The following PALM2AKAP2 variants were observed in gnomAD, a reference collection of about 807,000 sequenced individuals.
PALM2AKAP2 encodes the protein PALM2-AKAP2 fusion protein.
Under a neutral mutation model 71.5 loss-of-function variants are expected in PALM2AKAP2, and 37 were observed. That is an observed-to-expected ratio of 0.52 (90% CI 0.40 to 0.68). PALM2AKAP2 has a LOEUF of 0.68. Among genes scored for constraint, PALM2AKAP2 ranks in the 30% least tolerant of loss-of-function variants. The probability of loss-of-function intolerance (pLI) is 0.00; values close to 1 mark genes in which losing one functional copy is unlikely to be tolerated. For synonymous variants in PALM2AKAP2, 468 were observed against 478.8 expected (o/e 0.98, Z 0.29); for missense variants, 1,224 against 1,191.8 (o/e 1.03, Z -0.40).
At chr9:109,938,797 G>A (rs1460768342) in intron 6 of PALM2AKAP2, among the ~76,000 whole-genome samples, 1 of 152,188 alleles carries the variant, frequency 6.6e-6, no homozygotes, top group Non-Finnish European at 1.5e-5. Flanking sequence ...GGGAGGCTGA[G>A]GAGGGTGGAT....
At chr9:110,082,601 T>G (rs1048943131) in intron 1 of PALM2AKAP2, among the ~76,000 whole-genome samples, 1 of 152,232 alleles carries the variant, frequency 6.6e-6, no homozygotes, top group African/African-American at 2.4e-5. Flanking sequence ...TGCATAAAGA[T>G]AGTGGATTGA....
chr9:109,794,407 T>TTA (rs1554714664), intron 1 of PALM2AKAP2, among the ~76,000 whole-genome samples: 3 of 151,044 alleles, frequency 2.0e-5, no homozygotes, highest in Admixed American at 2.0e-4. Context: ...CAGGTGTATT[T>TTA]TTTTTTTTTT....
At chr9:109,867,613 G>A in intron 2 of PALM2AKAP2, 42 bp downstream of exon 2, 5 of 1,593,234 alleles carry the variant, frequency 3.1e-6, no homozygotes, top group Non-Finnish European at 4.3e-6. Context: ...TATTAGACAT[G>A]CAGATCACAC....
In PALM2AKAP2 at chr9:109,965,927, T is replaced by A. The variant is rs186582903; in HGVS notation, c.496+33899T>A. Reference sequence around the variant, plus strand: ...AGGAGGTGGGATTTGAGATGGAGTTTGTAGGACCAGGCAAGGGAAAAGGCA... The same window carrying A: ...AGGAGGTGGGATTTGAGATGGAGTTAGTAGGACCAGGCAAGGGAAAAGGCA... On this transcript the variant is annotated intron_variant, in intron 6 of 9. Coordinates refer to the PALM2AKAP2 transcript ENST00000302798. Among the ~76,000 whole-genome samples the A allele has an allele frequency of 1.8e-4, 28 of 152,146 alleles. No individual in the cohort carries two copies. In the East Asian group the frequency reaches 4.8e-3, roughly 26 times the overall value.
intron 1 of PALM2AKAP2, among the ~76,000 whole-genome samples, chr9:109,754,534 T>C (rs991550060): frequency 2.6e-5 from 4 of 152,162 alleles, no homozygotes; most frequent in Non-Finnish European, 4.4e-5. Flanking sequence ...GTCATTGACT[T>C]CCTCCTTCCC....
At chr9:109,683,110 G>A (rs893703985) in intron 1 of PALM2AKAP2, among the ~76,000 whole-genome samples, 6 of 152,250 alleles carry the variant, frequency 3.9e-5, no homozygotes, top group African/African-American at 1.4e-4. Flanking sequence ...CTTTCACCAT[G>A]TGAAGTGCCT....
chr9:109,889,097 A>C (rs1173495974), intron 3 of PALM2AKAP2, among the ~76,000 whole-genome samples: 2 of 152,258 alleles, frequency 1.3e-5, no homozygotes, highest in African/African-American at 4.8e-5. Context: ...TGAAGATAAC[A>C]TTAGTGATTC....
At chr9:110,126,738 C>T (rs1310033679) in intron 1 of PALM2AKAP2, among the ~76,000 whole-genome samples, 1 of 152,200 alleles carries the variant, frequency 6.6e-6, no homozygotes, top group Admixed American at 6.5e-5. Context: ...TCCTTCCTTT[C>T]CTCCCCTCCC....
At chr9:109,758,469 A>T (rs549400440) in intron 1 of PALM2AKAP2, among the ~76,000 whole-genome samples, 19 of 152,254 alleles carry the variant, frequency 1.2e-4, no homozygotes, top group African/African-American at 4.3e-4. Context: ...TTATATCATC[A>T]TTAACACTGC....
At chr9:109,963,441 T>A (rs1246393887) in intron 6 of PALM2AKAP2, among the ~76,000 whole-genome samples, 1 of 152,222 alleles carries the variant, frequency 6.6e-6, no homozygotes, top group South Asian at 2.1e-4. Context: ...CTACATTTCA[T>A]CTTCTCTTAA....
At chr9:109,642,260 T>A (rs1030930469) in intron 1 of PALM2AKAP2, among the ~76,000 whole-genome samples, 4 of 151,888 alleles carry the variant, frequency 2.6e-5, no homozygotes, top group African/African-American at 9.7e-5. Context: ...TGGGCCTCAT[T>A]TTCCCCATCT....
intron 3 of PALM2AKAP2, among the ~76,000 whole-genome samples, chr9:109,890,275 C>G (rs1043419340): frequency 3.9e-5 from 6 of 152,210 alleles, no homozygotes; most frequent in Non-Finnish European, 8.8e-5. Context: ...TGAGCACAAT[C>G]CCCACTTCGT....
intron 1 of PALM2AKAP2, 69 bp from the exon 2 acceptor site, chr9:109,867,422 C>T (rs1587972292): frequency 6.4e-7 from 1 of 1,566,260 alleles, no homozygotes; most frequent in East Asian, 2.3e-5. Flanking sequence ...GCTGCTGCTG[C>T]TTTCTGCCTT....
At position 109,980,614 on chromosome 9, in the gene PALM2AKAP2, G is replaced by T. The variant is rs540309722; in HGVS notation, c.497-35340G>T. 2.6e-5 allele frequency among the ~76,000 whole-genome samples: 4 copies of T among 152,286 alleles called. No individual in the cohort carries two copies. In the South Asian group the frequency reaches 8.3e-4, roughly 32 times the overall value. On this transcript the variant is annotated intron_variant, in intron 6 of 9. Transcript: ENST00000302798. ...TGAATCCTATGACGACCTAATGCAG[G>T]CTCATAGGTCTCACTCCAGAATACT...
At chr9:109,793,270 G>A (rs1051764765) in intron 1 of PALM2AKAP2, among the ~76,000 whole-genome samples, 1 of 152,202 alleles carries the variant, frequency 6.6e-6, no homozygotes, top group African/African-American at 2.4e-5. Context: ...ATTGGTTCAT[G>A]TTACAGCCCC....
At chr9:109,691,867 TAC>T (rs368555887) in intron 1 of PALM2AKAP2, among the ~76,000 whole-genome samples, 5,681 of 50,946 alleles carry the variant, frequency 0.11, 451 homozygotes, top group Admixed American at 0.17. Flanking sequence ...TATATATATA[TAC>T]ACACACACAC....
chr9:109,733,221 T>C (rs541019210), intron 1 of PALM2AKAP2, among the ~76,000 whole-genome samples: 3 of 152,298 alleles, frequency 2.0e-5, no homozygotes, highest in East Asian at 3.9e-4. Context: ...GAAAAATATA[T>C]CCCTTACCTT....
chr9:110,103,364 C>T (rs1026443585), intron 1 of PALM2AKAP2, among the ~76,000 whole-genome samples: 5 of 152,206 alleles, frequency 3.3e-5, no homozygotes, highest in Non-Finnish European at 5.9e-5. Context: ...ATCTCAAGCT[C>T]ATAGTCACTG....
At chr9:109,847,481 C>T (rs1828892796) in intron 1 of PALM2AKAP2, among the ~76,000 whole-genome samples, 1 of 152,154 alleles carries the variant, frequency 6.6e-6, no homozygotes, top group South Asian at 2.1e-4. Context: ...ATGGCTCACG[C>T]CTGTAATCCC....
Sources: allele counts gnomAD v4.1 joint callset (sites outside exome capture counted in the v4.1 genomes callset), GRCh38; gene constraint gnomAD v4.1.1; transcripts MANE v1.5; gene names NCBI Gene and HGNC (gene_info 2026-07-23, HGNC 2026-07-21).